Variants in DYNC1I2 observed in about 807,000 individuals in gnomAD.
DYNC1I2 encodes the protein cytoplasmic dynein 1 intermediate chain 2.
DYNC1I2 carries 53 observed loss-of-function variants against 88.6 expected under a neutral mutation model. The observed-to-expected ratio is 0.60, with a 90% confidence interval of 0.48 to 0.75. DYNC1I2 has a LOEUF of 0.75. Among genes scored for constraint, DYNC1I2 ranks in the 30% least tolerant of loss-of-function variants. DYNC1I2 has a pLI of 0.00. For synonymous variants in DYNC1I2, 198 were observed against 254.6 expected (o/e 0.78, Z 2.12); for missense variants, 458 against 766.6 (o/e 0.60, Z 4.75).
intron 7 of DYNC1I2, among the ~76,000 whole-genome samples, chr2:171,723,452 A>G (rs1688029282): frequency 1.3e-5 from 2 of 152,204 alleles, no homozygotes; most frequent in African/African-American, 4.8e-5. Flanking sequence ...CTATTATTCT[A>G]AAAGACAGCT....
At chr2:171,692,230 A>G (rs1685450729) in intron 2 of DYNC1I2, among the ~76,000 whole-genome samples, 1 of 152,222 alleles carries the variant, frequency 6.6e-6, no homozygotes, top group Non-Finnish European at 1.5e-5. Context: ...AAAAATTTTC[A>G]TAACAAAATG....
intron 3 of DYNC1I2, among the ~76,000 whole-genome samples, chr2:171,694,795 A>C (rs1685641958): frequency 6.6e-6 from 1 of 152,206 alleles, no homozygotes; most frequent in Non-Finnish European, 1.5e-5. Flanking sequence ...TGTCTCATGC[A>C]GTGAGCAAGA....
chr2:171,704,849 A>G (rs1388720158), intron 3 of DYNC1I2, among the ~76,000 whole-genome samples: 1 of 152,214 alleles, frequency 6.6e-6, no homozygotes, highest in Non-Finnish European at 1.5e-5. Context: ...CAGTTACCAA[A>G]TAACACTATC....
At chr2:171,722,002 G>A (rs768316350) in intron 7 of DYNC1I2, among the ~76,000 whole-genome samples, 9 of 151,966 alleles carry the variant, frequency 5.9e-5, no homozygotes, top group Non-Finnish European at 1.2e-4. Context: ...ATGCTTTGTG[G>A]CATACTCTTA....
intron 15 of DYNC1I2, among the ~76,000 whole-genome samples, chr2:171,732,410 C>T (rs1033676815): frequency 6.6e-6 from 1 of 152,126 alleles, no homozygotes; most frequent in African/African-American, 2.4e-5. Context: ...CATTTTATTT[C>T]AGTGCTTAAT....
At chr2:171,713,932 T>G (rs776059047) in intron 6 of DYNC1I2, among the ~76,000 whole-genome samples, 2 of 152,186 alleles carry the variant, frequency 1.3e-5, no homozygotes, top group African/African-American at 4.8e-5. Context: ...CCTACCCACC[T>G]CCTCCTATAA....
At chr2:171,708,777 C>G (rs1422508842) in intron 5 of DYNC1I2, among the ~76,000 whole-genome samples, 2 of 152,144 alleles carry the variant, frequency 1.3e-5, no homozygotes, top group African/African-American at 4.8e-5. Context: ...ACTGCAACCT[C>G]TGCCTCCTGG....
At chr2:171,696,160 T>C (rs546855589) in intron 3 of DYNC1I2, among the ~76,000 whole-genome samples, 18 of 152,350 alleles carry the variant, frequency 1.2e-4, no homozygotes, top group African/African-American at 4.1e-4. Flanking sequence ...TAACTGCTTA[T>C]AATATTCTTC....
Position 171,726,013 on chromosome 2 carries a change from A to G in DYNC1I2, c.702A>G (p.Glu234=), listed in dbSNP as rs1245301020. Reference sequence around the variant, plus strand: ...TTGACCATTCTACAAGAATTGTAGAAAGAGCTCTTTCTGAGCAGATTAACA... The same window carrying G: ...TTGACCATTCTACAAGAATTGTAGAGAGAGCTCTTTCTGAGCAGATTAACA... ...SFFDHSTRIV[E]RALSEQINIF... is the part of the protein sequence containing the mutation. The change falls in exon 9 of 18, where the codon GAA becomes GAG. Residue 234 remains glutamate, a synonymous_variant. Transcript: ENST00000397119. 6.3e-7 allele frequency: 1 copy of G among 1,596,436 alleles called. No individual in the cohort carries two copies. The highest frequency in any genetic ancestry group is 2.2e-5 in the East Asian group (1 of 44,600).
chr2:171,690,347 G>A, intron 2 of DYNC1I2, 84 bp downstream of exon 2: 1 of 984,274 alleles, frequency 1.0e-6, no homozygotes, highest in Non-Finnish European at 1.5e-6. Context: ...ATATAGGTTG[G>A]TGCAAAAGTA....
At chr2:171,698,676 T>C (rs965181382) in intron 3 of DYNC1I2, among the ~76,000 whole-genome samples, 3 of 151,848 alleles carry the variant, frequency 2.0e-5, no homozygotes, top group Admixed American at 2.0e-4. Context: ...GAGACCATCC[T>C]GGCTAACATG....
chr2:171,710,439 T>C (rs1687032781), intron 5 of DYNC1I2, among the ~76,000 whole-genome samples: 1 of 152,198 alleles, frequency 6.6e-6, no homozygotes, highest in Non-Finnish European at 1.5e-5. Flanking sequence ...TTCAGTTGGC[T>C]AAGATGGTCT....
chr2:171,739,705 T>C (rs1689275683), intron 15 of DYNC1I2, among the ~76,000 whole-genome samples: 1 of 128,558 alleles, frequency 7.8e-6, no homozygotes, highest in African/African-American at 2.9e-5. Context: ...TCTTTTTTTT[T>C]TTTTTTTTTT....
intron 3 of DYNC1I2, among the ~76,000 whole-genome samples, chr2:171,694,107 G>A (rs1685582301): frequency 6.6e-6 from 1 of 150,386 alleles, no homozygotes; most frequent in South Asian, 2.1e-4. Context: ...GCACAATCTC[G>A]GCTCACTGCA....
chr2:171,690,777 C>G (rs1685345886), intron 2 of DYNC1I2, among the ~76,000 whole-genome samples: 1 of 151,512 alleles, frequency 6.6e-6, no homozygotes, highest in Non-Finnish European at 1.5e-5. Flanking sequence ...ACTTCAGCCT[C>G]TGGAGTAGCT....
intron 3 of DYNC1I2, among the ~76,000 whole-genome samples, chr2:171,696,595 GT>G (rs1685786157): frequency 6.6e-6 from 1 of 151,882 alleles, no homozygotes; most frequent in African/African-American, 2.4e-5. Flanking sequence ...AGATATTTGG[GT>G]TATATTTTTA....
chr2:171,741,546 T>A (rs1343338912), intron 15 of DYNC1I2, among the ~76,000 whole-genome samples: 1 of 152,328 alleles, frequency 6.6e-6, no homozygotes, highest in Non-Finnish European at 1.5e-5. Flanking sequence ...CATGTACTTA[T>A]AGGCTATTGT....
chr2:171,742,292 C>T (rs1689493170), intron 15 of DYNC1I2, among the ~76,000 whole-genome samples: 1 of 152,036 alleles, frequency 6.6e-6, no homozygotes, highest in African/African-American at 2.4e-5. Context: ...CCCATCTCAG[C>T]CCCCAGGGTG....
At chr2:171,723,549 A>G (rs1340630195) in intron 7 of DYNC1I2, among the ~76,000 whole-genome samples, 2 of 152,246 alleles carry the variant, frequency 1.3e-5, no homozygotes, top group African/African-American at 4.8e-5. Flanking sequence ...CTTGAGTAAT[A>G]TAGTATAGAA....
Sources: allele counts gnomAD v4.1 joint callset (sites outside exome capture counted in the v4.1 genomes callset), GRCh38; gene constraint gnomAD v4.1.1; transcripts MANE v1.5; gene names NCBI Gene and HGNC (gene_info 2026-07-23, HGNC 2026-07-21).